UTP18: variants seen among roughly 807,000 people sequenced by gnomAD.
UTP18 encodes the protein UTP18 small subunit processome component.
A neutral mutation model predicts 61.1 loss-of-function variants in UTP18; 36 were observed. The ratio of observed to expected loss-of-function variants is 0.59; its 90% CI spans 0.45 to 0.78. The LOEUF is 0.78. Among genes scored for constraint, UTP18 ranks in the 30% least tolerant of loss-of-function variants. UTP18 has a pLI of 0.00. For missense variants in UTP18, 753 were observed against 693.9 expected (o/e 1.09, Z -0.96); for synonymous variants, 282 against 251.1 (o/e 1.12, Z -1.16).
In UTP18 at chr17:51,282,969, A is replaced by T. The variant is rs1413903357; in HGVS notation, c.1205-2276A>T. Reference sequence around the variant, plus strand: ...CTGTAACCTCTGCCTCCCAAGTTCTAGCAATTCTCCTGCCTCAGCCTCCTG... The same window carrying T: ...CTGTAACCTCTGCCTCCCAAGTTCTTGCAATTCTCCTGCCTCAGCCTCCTG... On this transcript the variant is annotated intron_variant, in intron 9 of 13. Transcript: ENST00000225298. 2.1e-5 allele frequency among the ~76,000 whole-genome samples: 3 copies of T among 145,204 alleles called. No individual in the cohort carries two copies. In the East Asian group the frequency reaches 6.1e-4, roughly 29 times the overall value.
rs150962060 is a variant in UTP18, at chr17:51,280,905, C to T, written c.1204+426C>T. 1.1e-4 allele frequency among the ~76,000 whole-genome samples: 16 copies of T among 151,946 alleles called. 1 individual carries two copies. The East Asian group carries it at 2.3e-3, about 22-fold the overall frequency. ...AAGCAAAAAAACCTAGGACCAGGCG[C>T]GGTAGCTTACGCCTGTAATCCCAGC... On this transcript the variant is annotated intron_variant, in intron 9 of 13. Coordinates refer to ENST00000225298, the MANE Select transcript of UTP18 (RefSeq NM_016001.3).
At chr17:51,270,551 C>T (rs1355291205) in intron 4 of UTP18, among the ~76,000 whole-genome samples, 2 of 152,174 alleles carry the variant, frequency 1.3e-5, no homozygotes, top group African/African-American at 2.4e-5. Flanking sequence ...GTTTTTTCAG[C>T]ACATAAAATT....
intron 3 of UTP18, 30 bp downstream of exon 3, chr17:51,266,310 A>C: frequency 6.6e-7 from 1 of 1,524,028 alleles, no homozygotes; most frequent in South Asian, 1.2e-5. Flanking sequence ...TGATTTACCA[A>C]GAGGTGTATG....
chr17:51,273,787 C>T (rs1202173143), intron 5 of UTP18, among the ~76,000 whole-genome samples: 4 of 106,418 alleles, frequency 3.8e-5, no homozygotes, highest in African/African-American at 1.2e-4. Flanking sequence ...TCCAGTAATT[C>T]TAGGAATCCC....
intron 4 of UTP18, among the ~76,000 whole-genome samples, chr17:51,269,982 A>C (rs1443070996): frequency 1.3e-5 from 2 of 151,850 alleles, no homozygotes; most frequent in Non-Finnish European, 2.9e-5. Context: ...CAGCCACCTG[A>C]GTAGCTGGGG....
At chr17:51,293,148 T>A (rs894401813) in intron 11 of UTP18, among the ~76,000 whole-genome samples, 1 of 152,240 alleles carries the variant, frequency 6.6e-6, no homozygotes, top group Non-Finnish European at 1.5e-5. Context: ...TTTACTGTGG[T>A]CATTAAGCTA....
chr17:51,283,717 G>T (rs376510774), intron 9 of UTP18, among the ~76,000 whole-genome samples: 5 of 151,384 alleles, frequency 3.3e-5, no homozygotes, highest in African/African-American at 1.2e-4. Context: ...GGGTTCAGGC[G>T]ATTCTCATGC....
chr17:51,263,276 T>C lies in UTP18; in HGVS notation c.345T>C (p.Val115=), dbSNP rs28379319. The change falls in exon 2 of 14, where the codon GTT becomes GTC. Residue 115 remains valine (V), a splice_region_variant and synonymous_variant. Transcript: ENST00000225298. ...TGAGGGTGTTTTGTCTGCTGTAGGT[T>C]CAAGAACATGAAGACTCGGGTGACT... ...ALLRRLRGPR[V]QEHEDSGDSE... is the part of the protein sequence containing the mutation. The C allele has an allele frequency of 7.0e-3, 11,314 of 1,613,982 alleles. 610 individuals carry two copies. The African/African-American group carries it at 0.13, about 18-fold the overall frequency.
chr17:51,289,901 A>G (rs888248786), intron 11 of UTP18, among the ~76,000 whole-genome samples: 1 of 152,226 alleles, frequency 6.6e-6, no homozygotes, highest in African/African-American at 2.4e-5. Flanking sequence ...AACCAAAGTA[A>G]ACAGTTAATA....
rs73334962 is a variant in UTP18, at chr17:51,262,641, A to G, written c.343-633A>G. 7.8e-3 allele frequency among the ~76,000 whole-genome samples: 1,187 copies of G among 152,090 alleles called. 17 individuals are homozygous for G. The highest frequency in any genetic ancestry group is 0.028 in the African/African-American group (1,143 of 41,478). Reference sequence around the variant, plus strand: ...ACTCAGAAGTCAGCTTCATCCTCCTAGGCTCAAGTGATCCTCCTGCCTCTG... The same window carrying G: ...ACTCAGAAGTCAGCTTCATCCTCCTGGGCTCAAGTGATCCTCCTGCCTCTG... On this transcript the variant is annotated intron_variant, in intron 1 of 13. Coordinates refer to ENST00000225298, the MANE Select transcript of UTP18 (RefSeq NM_016001.3).
intron 5 of UTP18, among the ~76,000 whole-genome samples, chr17:51,273,834 G>T (rs1253781395): frequency 6.6e-6 from 1 of 152,116 alleles, no homozygotes; most frequent in African/African-American, 2.4e-5. Flanking sequence ...CATCAGCCTA[G>T]TTCATACTGC....
chr17:51,263,535 A>T lies in UTP18; in HGVS notation c.455+149A>T. 5 of 655,720 alleles carry T rather than the reference A, an allele frequency of 7.6e-6. 1 individual carries two copies. The South Asian group carries it at 9.8e-5, about 13-fold the overall frequency. The allele number at this position is 655,720 out of a possible 1,614,324, so 40.6% of individuals were successfully genotyped here. On this transcript the variant is annotated intron_variant, in intron 2 of 13. Transcript: ENST00000225298. Reference sequence around the variant, plus strand: ...TAGAAAAGATCTTTCATGGTTCCTGATCCCACCACCGAGGGAGAACTGCTG... The same window carrying T: ...TAGAAAAGATCTTTCATGGTTCCTGTTCCCACCACCGAGGGAGAACTGCTG...
At chr17:51,293,328 A>G (rs767589327) in intron 11 of UTP18, among the ~76,000 whole-genome samples, 12 of 152,178 alleles carry the variant, frequency 7.9e-5, no homozygotes, top group African/African-American at 1.2e-4. Context: ...ACACATGGAC[A>G]CAGTAGAATA....
Position 51,260,650 on chromosome 17 carries a change from G to T in UTP18, c.66G>T (p.Lys22Asn), listed in dbSNP as rs371867587. Residue 22 changes from lysine to asparagine, a missense_variant, in exon 1 of 14, where the codon AAG (lysine) becomes AAT (asparagine). By Grantham distance (94) the Lys-to-Asn change is moderately conservative. Transcript: ENST00000225298. ...GAACCGGAGCGAAGCCGAAGCGGAAGCCCGGAATGAGGCCGGACTGGAAAG... is the reference window on the plus strand; with the variant it reads ...GAACCGGAGCGAAGCCGAAGCGGAATCCCGGAATGAGGCCGGACTGGAAAG... ...DRRTGAKPKR[K>N]PGMRPDWKAG... 18 of 1,612,396 alleles carry T rather than the reference G, an allele frequency of 1.1e-5. No individual in the cohort carries two copies. In the African/African-American group the frequency reaches 2.4e-4, roughly 22 times the overall value.
chr17:51,273,628 T>C (rs1463458852), intron 5 of UTP18, among the ~76,000 whole-genome samples, 178 bp downstream of exon 5: 3 of 151,716 alleles, frequency 2.0e-5, no homozygotes, highest in Non-Finnish European at 2.9e-5. Context: ...CAAAAAATGT[T>C]CTAGAGGTAT....
chr17:51,295,570 G>A (rs1905347366), intron 12 of UTP18, among the ~76,000 whole-genome samples: 1 of 152,052 alleles, frequency 6.6e-6, no homozygotes, highest in Non-Finnish European at 1.5e-5. Context: ...TCTCTGTTTT[G>A]GTACCAGTAC....
In UTP18 at chr17:51,266,296, C is replaced by A; in HGVS notation, c.554+16C>A. 1 of 1,558,972 alleles carries A rather than the reference C, an allele frequency of 6.4e-7. No homozygotes were observed. ...TTAAAGAAGAGTAAGTGTCTTTTTTCATATGATTTACCAAGAGGTGTATGT... is the reference window on the plus strand; with the variant it reads ...TTAAAGAAGAGTAAGTGTCTTTTTTAATATGATTTACCAAGAGGTGTATGT... On this transcript the variant is annotated intron_variant, in intron 3 of 13. Coordinates refer to ENST00000225298, the MANE Select transcript of UTP18 (RefSeq NM_016001.3).
chr17:51,265,123 G>T (rs1598473660), intron 2 of UTP18, among the ~76,000 whole-genome samples: 2 of 152,064 alleles, frequency 1.3e-5, no homozygotes, highest in African/African-American at 2.4e-5. Context: ...AGCTTTCTGT[G>T]CATAGAAGTT....
intron 9 of UTP18, among the ~76,000 whole-genome samples, chr17:51,284,082 C>G (rs1905034713): frequency 1.3e-5 from 2 of 152,180 alleles, no homozygotes; most frequent in African/African-American, 2.4e-5. Flanking sequence ...ACATATAAGG[C>G]AAAGGTTTTA....
Sources: gnomAD v4.1 joint callset for allele counts (sites outside exome capture counted in the v4.1 genomes callset) on GRCh38, gnomAD v4.1.1 for gene constraint, MANE v1.5 for transcripts, NCBI Gene and HGNC (gene_info 2026-07-23, HGNC 2026-07-21) for gene names.